RAPGEF5: variants seen among roughly 807,000 people sequenced by gnomAD.
The protein encoded by RAPGEF5 is Rap guanine nucleotide exchange factor 5.
In RAPGEF5, 65 loss-of-function variants were observed where a neutral mutation model predicts 125.2. The observed-to-expected ratio is 0.52, with a 90% CI of 0.43 to 0.64. RAPGEF5 has a LOEUF of 0.64. Ranked by LOEUF, RAPGEF5 falls within the 30% of genes least tolerant of loss-of-function variation. RAPGEF5 has a pLI of 0.00. For synonymous variants in RAPGEF5, 391 were observed against 385.9 expected, an observed-to-expected ratio of 1.01 and a Z score of -0.16; for missense variants, 958 against 1,048.1, an observed-to-expected ratio of 0.91 and a Z score of 1.19.
chr7:22,236,424 G>C (rs1786190699), intron 7 of RAPGEF5, among the ~76,000 whole-genome samples: 1 of 152,118 alleles, frequency 6.6e-6, no homozygotes, highest in African/African-American at 2.4e-5. Flanking sequence ...GGCACAATCT[G>C]CACCTCAAGA....
At chr7:22,122,606 G>A in intron 25 of RAPGEF5, 85 bp from the exon 26 acceptor site, 1 of 957,204 alleles carries the variant, frequency 1.0e-6, no homozygotes, top group Non-Finnish European at 1.6e-6. Context: ...CACTAAGGCT[G>A]AGTAAATGTA....
At position 22,356,965 on chromosome 7, in the gene RAPGEF5, C is replaced by T. The variant is rs1784433776; in HGVS notation, c.96G>A (p.Leu32=). Residue 32 remains leucine, a synonymous_variant, in exon 1 of 26, where the codon CTG becomes CTA. Transcript: ENST00000665637. ...AAAVVAADGP[L]RRSPSAREPE... is the part of the protein sequence containing the mutation. Reference sequence around the variant, plus strand: ...GCTCCCGGGCGCTGGGGCTGCGGCGCAGGGGGCCGTCTGCCGCCACCACCG... The same window carrying T: ...GCTCCCGGGCGCTGGGGCTGCGGCGTAGGGGGCCGTCTGCCGCCACCACCG... 9.7e-7 allele frequency: 1 copy of T among 1,034,858 alleles called. No individual in the cohort carries two copies. Among genetic ancestry groups the T allele is most frequent in the Non-Finnish European group, 1.2e-6 (1 of 864,224 alleles). 64.1% of individuals were successfully genotyped at this position (1,034,858 alleles called of 1,614,324 possible). A position where few individuals can be genotyped will look rare whatever the true frequency, so the allele number is the denominator to read the frequency against.
chr7:22,353,015 C>T (rs1784358570), intron 1 of RAPGEF5, among the ~76,000 whole-genome samples: 1 of 152,324 alleles, frequency 6.6e-6, no homozygotes, highest in East Asian at 1.9e-4. Context: ...AGACATTATG[C>T]GTCTCACGAT....
At chr7:22,326,572 T>C (rs1783818154) in intron 1 of RAPGEF5, among the ~76,000 whole-genome samples, 1 of 152,228 alleles carries the variant, frequency 6.6e-6, no homozygotes. Context: ...TTCTAGTGCT[T>C]AACCAGTTAT....
At chr7:22,193,506 G>A in intron 10 of RAPGEF5, 51 bp from the exon 11 acceptor site, 4 of 1,556,716 alleles carry the variant, frequency 2.6e-6, no homozygotes, top group Non-Finnish European at 3.5e-6. Context: ...AAGACTGCGA[G>A]CGGCTGCTCC....
chr7:22,243,236 A>G (rs998827736), intron 7 of RAPGEF5, among the ~76,000 whole-genome samples: 5 of 152,146 alleles, frequency 3.3e-5, no homozygotes, highest in African/African-American at 1.2e-4. Flanking sequence ...TTTGGGGATA[A>G]AAAAGTTTTT....
chr7:22,200,255 G>T (rs1300699886), intron 9 of RAPGEF5, among the ~76,000 whole-genome samples: 7 of 151,822 alleles, frequency 4.6e-5, no homozygotes, highest in Non-Finnish European at 8.8e-5. Flanking sequence ...ACAACCCTTA[G>T]ATAATTTGCT....
At chr7:22,295,369 A>G (rs1337021923) in intron 5 of RAPGEF5, among the ~76,000 whole-genome samples, 5 of 152,242 alleles carry the variant, frequency 3.3e-5, no homozygotes, top group Admixed American at 3.3e-4. Context: ...TCTAAACTGA[A>G]TAAAATTAGA....
intron 1 of RAPGEF5, among the ~76,000 whole-genome samples, chr7:22,331,240 T>C (rs1026090697): frequency 6.6e-6 from 1 of 152,162 alleles, no homozygotes; most frequent in Non-Finnish European, 1.5e-5. Context: ...ATCACCAACA[T>C]AGTTGTTTTT....
chr7:22,261,172 T>C (rs1297172906), intron 7 of RAPGEF5, among the ~76,000 whole-genome samples: 1 of 152,128 alleles, frequency 6.6e-6, no homozygotes. Context: ...GAGGAAATAA[T>C]TGGAAAAGGG....
At chr7:22,193,676 A>G (rs1470706685) in intron 10 of RAPGEF5, 1 of 1,550,882 alleles carries the variant, frequency 6.4e-7, no homozygotes, top group Admixed American at 2.0e-5. Context: ...AACGGTTACT[A>G]ACAAAGGCAT....
intron 9 of RAPGEF5, among the ~76,000 whole-genome samples, chr7:22,208,281 AG>A (rs1785439723): frequency 6.6e-6 from 1 of 152,354 alleles, no homozygotes; most frequent in Admixed American, 6.5e-5. Context: ...TATAAAAAAA[AG>A]GTTGTACTGA....
At chr7:22,269,180 C>CAAAAA (rs34791723) in intron 6 of RAPGEF5, among the ~76,000 whole-genome samples, 3 of 73,834 alleles carry the variant, frequency 4.1e-5, no homozygotes, top group African/African-American at 4.0e-5. Flanking sequence ...AAGTTTTTGA[C>CAAAAA]AAAAAAAAAA....
chr7:22,318,230 A>G (rs1224174111), intron 1 of RAPGEF5, among the ~76,000 whole-genome samples, 193 bp from the exon 2 acceptor site: 3 of 152,080 alleles, frequency 2.0e-5, no homozygotes, highest in African/African-American at 7.2e-5. Context: ...TCTGGTCAAC[A>G]TTTGTAACAA....
intron 12 of RAPGEF5, among the ~76,000 whole-genome samples, chr7:22,163,784 C>T (rs1167230666): frequency 6.6e-6 from 1 of 152,118 alleles, no homozygotes; most frequent in Non-Finnish European, 1.5e-5. Context: ...ATAGGGAATG[C>T]TATGACATCA....
intron 18 of RAPGEF5, among the ~76,000 whole-genome samples, chr7:22,150,065 C>T (rs951730991): frequency 1.2e-4 from 16 of 137,648 alleles, no homozygotes; most frequent in African/African-American, 3.8e-4. Flanking sequence ...TTATGTGGTA[C>T]GTGTGTTCCT....
At chr7:22,196,839 G>C (rs1461151808) in intron 9 of RAPGEF5, among the ~76,000 whole-genome samples, 2 of 152,142 alleles carry the variant, frequency 1.3e-5, no homozygotes, top group African/African-American at 4.8e-5. Flanking sequence ...TAGAAATAAA[G>C]AACTAGGCCT....
At chr7:22,340,237 AGAG>A (rs1286643818) in intron 1 of RAPGEF5, among the ~76,000 whole-genome samples, 8 of 152,228 alleles carry the variant, frequency 5.3e-5, no homozygotes, top group African/African-American at 1.9e-4. Flanking sequence ...GAGCTGATTC[AGAG>A]AAGAGAGACT....
chr7:22,356,023 C>G (rs1412742437), intron 1 of RAPGEF5: 1 of 985,332 alleles, frequency 1.0e-6, no homozygotes, highest in Admixed American at 6.1e-5. Context: ...CTGAGTAAGT[C>G]AGCTCTGTGT....
Sources: gnomAD v4.1 joint callset for allele counts (sites outside exome capture counted in the v4.1 genomes callset) on GRCh38, gnomAD v4.1.1 for gene constraint, MANE v1.5 for transcripts, NCBI Gene and HGNC (gene_info 2026-07-23, HGNC 2026-07-21) for gene names.